SNTG2: variants seen among roughly 807,000 people sequenced by gnomAD.
SNTG2 encodes the protein gamma-2-syntrophin.
Under a neutral mutation model 70.9 loss-of-function variants are expected in SNTG2, and 74 were observed. The observed-to-expected ratio is 1.04, with a 90% confidence interval of 0.86 to 1.27. The LOEUF (loss-of-function observed/expected upper bound fraction) is 1.27. SNTG2 is among the 50% of genes most tolerant of loss of function. The pLI, the probability that SNTG2 is intolerant of heterozygous loss-of-function variation, is 0.00. For synonymous variants in SNTG2, 278 were observed against 273.8 expected (o/e 1.02, Z -0.15); for missense variants, 717 against 690.7 (o/e 1.04, Z -0.43).
At chr2:1,174,830 T>C (rs77582888) in intron 8 of SNTG2, among the ~76,000 whole-genome samples, 2,050 of 152,358 alleles carry the variant, frequency 0.013, 47 homozygotes, top group African/African-American at 0.047. Context: ...TTTCCTCTTC[T>C]GTGAAATGCT....
Position 1,316,255 on chromosome 2 carries a change from T to A in SNTG2, c.1378-10T>A. On this transcript the variant is annotated splice_polypyrimidine_tract_variant and intron_variant, in intron 15 of 16. Transcript: ENST00000308624. The stretch of plus-strand genomic sequence containing the variant: ...TTTAGAAATCGCTAATTAATTTTAT[T>A]CCTTTACAGAATGTGCTCTGGAGAT... 1 of 1,376,668 alleles carries A rather than the reference T, an allele frequency of 7.3e-7. No homozygotes were observed. 85.3% of individuals were successfully genotyped at this position (1,376,668 alleles called of 1,614,324 possible).
At chr2:1,172,329 G>T (rs962846476) in intron 7 of SNTG2, among the ~76,000 whole-genome samples, 1 of 152,198 alleles carries the variant, frequency 6.6e-6, no homozygotes, top group Non-Finnish European at 1.5e-5. Context: ...TCAGGCTGCT[G>T]TGTTCACAGA....
chr2:1,164,542 CTG>C (rs1396728089), intron 6 of SNTG2, among the ~76,000 whole-genome samples: 1 of 131,286 alleles, frequency 7.6e-6, no homozygotes, highest in African/African-American at 3.0e-5. Flanking sequence ...TGGGCAGTCT[CTG>C]TGTAGAGGAG....
chr2:1,351,155 C>G (rs1660551691), intron 16 of SNTG2, among the ~76,000 whole-genome samples: 1 of 151,712 alleles, frequency 6.6e-6, no homozygotes, highest in African/African-American at 2.4e-5. Context: ...TGTTTTCCCT[C>G]TCTTAGTGTA....
chr2:965,130 ACCCCAATCCTCCTCCTGGT>A (rs1283537757), intron 1 of SNTG2, among the ~76,000 whole-genome samples: 1 of 128,062 alleles, frequency 7.8e-6, no homozygotes, highest in African/African-American at 3.2e-5. Context: ...TCCTCCTTGG[ACCCCAATCCTCCTCCTGGT>A]CCCCAGTCCT....
chr2:1,114,110 T>G (rs1460742856), intron 4 of SNTG2, among the ~76,000 whole-genome samples: 2 of 151,716 alleles, frequency 1.3e-5, no homozygotes, highest in African/African-American at 4.9e-5. Flanking sequence ...ACCCTTACAG[T>G]CCTTTGAGGA....
At position 996,149 on chromosome 2, in the gene SNTG2, G is replaced by A. The variant is rs551351316; in HGVS notation, c.72+45081G>A. 3.3e-5 allele frequency among the ~76,000 whole-genome samples: 5 copies of A among 152,326 alleles called. No individual in the cohort carries two copies. The South Asian group carries it at 1.0e-3, about 32-fold the overall frequency. On this transcript the variant is annotated intron_variant, in intron 1 of 16. Transcript: ENST00000308624. ...ACTTGTGATTGCACACAGGTGGCCTGAGTGTCATGGAGGAGTTTTGACTGG... is the reference window on the plus strand; with the variant it reads ...ACTTGTGATTGCACACAGGTGGCCTAAGTGTCATGGAGGAGTTTTGACTGG...
chr2:1,041,156 C>T (rs2148057050), intron 1 of SNTG2, among the ~76,000 whole-genome samples: 1 of 152,316 alleles, frequency 6.6e-6, no homozygotes, highest in Non-Finnish European at 1.5e-5. Context: ...GTGTGTGCTG[C>T]AGACACCTTC....
At chr2:973,325 G>A (rs916546184) in intron 1 of SNTG2, among the ~76,000 whole-genome samples, 1 of 152,130 alleles carries the variant, frequency 6.6e-6, no homozygotes, top group Non-Finnish European at 1.5e-5. Flanking sequence ...TATTTTTGCT[G>A]AGTATGGATT....
intron 1 of SNTG2, among the ~76,000 whole-genome samples, chr2:968,720 CT>C (rs1477956363): frequency 6.6e-6 from 1 of 151,944 alleles, no homozygotes; most frequent in Non-Finnish European, 1.5e-5. Flanking sequence ...GGGATTATTT[CT>C]TTTTTGCTTA....
chr2:1,005,806 AATATAT>A (rs56246912), intron 1 of SNTG2, among the ~76,000 whole-genome samples: 1 of 31,268 alleles, frequency 3.2e-5, no homozygotes, highest in Non-Finnish European at 6.1e-5. Context: ...TCTGCCTCAA[AATATAT>A]ATATATATAT....
intron 6 of SNTG2, among the ~76,000 whole-genome samples, chr2:1,153,506 T>C (rs1017955214): frequency 3.3e-5 from 5 of 152,216 alleles, no homozygotes; most frequent in Non-Finnish European, 7.3e-5. Flanking sequence ...GGAATGTCAG[T>C]AAAATGTCTA....
At position 1,105,222 on chromosome 2, in the gene SNTG2, G is replaced by A. The variant is rs561634039; in HGVS notation, c.325+6812G>A. On this transcript the variant is annotated intron_variant, in intron 4 of 16. Transcript: ENST00000308624. ...GGCTGAGAGGGTTTGGTGGGGGTGG[G>A]GTGAGTGTGGGGTGGCCCCACTTGC... Among the ~76,000 whole-genome samples, 3 of 152,284 alleles carry A rather than the reference G, an allele frequency of 2.0e-5. No individual in the cohort carries two copies. The South Asian group carries it at 6.2e-4, about 32-fold the overall frequency.
chr2:980,191 T>C (rs888802693), intron 1 of SNTG2, among the ~76,000 whole-genome samples: 6 of 152,192 alleles, frequency 3.9e-5, no homozygotes, highest in Admixed American at 1.3e-4. Context: ...TGTGTATTCA[T>C]GTTAGGGTCC....
chr2:1,121,902 CAAAT>C (rs111916538), intron 4 of SNTG2, among the ~76,000 whole-genome samples: 81 of 151,906 alleles, frequency 5.3e-4, no homozygotes, highest in African/African-American at 1.8e-3. Flanking sequence ...ACAGAAGTTT[CAAAT>C]AAATAAAAAA....
chr2:1,153,525 G>A (rs766456917), intron 6 of SNTG2, among the ~76,000 whole-genome samples: 10 of 152,186 alleles, frequency 6.6e-5, no homozygotes, highest in South Asian at 2.1e-4. Context: ...TAAAAAGTGC[G>A]TACACAGTCA....
intron 16 of SNTG2, among the ~76,000 whole-genome samples, chr2:1,323,356 T>C (rs1681612460): frequency 6.6e-6 from 1 of 152,114 alleles, no homozygotes; most frequent in South Asian, 2.1e-4. Context: ...CCAATAAAAC[T>C]CTGAAGGACA....
intron 4 of SNTG2, among the ~76,000 whole-genome samples, chr2:1,134,086 T>C (rs1280856238): frequency 6.6e-6 from 1 of 152,058 alleles, no homozygotes; most frequent in Non-Finnish European, 1.5e-5. Context: ...TCTGGAGTTG[T>C]TGGTTCCTCC....
intron 14 of SNTG2, among the ~76,000 whole-genome samples, chr2:1,274,350 G>T (rs991176638): frequency 2.6e-5 from 4 of 152,118 alleles, no homozygotes; most frequent in Non-Finnish European, 5.9e-5. Context: ...CACTGATGTA[G>T]GAATCTATCA....
Sources: allele counts gnomAD v4.1 joint callset (sites outside exome capture counted in the v4.1 genomes callset), GRCh38; gene constraint gnomAD v4.1.1; transcripts MANE v1.5; gene names NCBI Gene and HGNC (gene_info 2026-07-23, HGNC 2026-07-21).